The following BACH2 variants were observed in gnomAD, a reference collection of about 807,000 sequenced individuals.
BACH2 encodes transcription regulator protein BACH2.
A neutral mutation model predicts 61.8 loss-of-function variants in BACH2; 5 were observed. The observed-to-expected ratio is 0.08, with a 90% CI of 0.04 to 0.17. The LOEUF (loss-of-function observed/expected upper bound fraction) is 0.17, where lower values mean the gene tolerates loss of function less well. Among genes scored for constraint, BACH2 ranks in the 10% least tolerant of loss-of-function variants. The probability of loss-of-function intolerance (pLI) is 1.00; values close to 1 mark genes in which losing one functional copy is unlikely to be tolerated. For missense variants in BACH2, 824 were observed against 1,091.1 expected, an observed-to-expected ratio of 0.76 and a Z score of 3.45; for synonymous variants, 446 against 440.1, an observed-to-expected ratio of 1.01 and a Z score of -0.17.
At chr6:90,075,514 A>G (rs529093315) in intron 5 of BACH2, among the ~76,000 whole-genome samples, 1 of 151,730 alleles carries the variant, frequency 6.6e-6, no homozygotes, top group Admixed American at 6.5e-5. Flanking sequence ...TTACTATTTT[A>G]TGATTGGATG....
At chr6:90,295,681 G>T (rs1772329980) in intron 1 of BACH2, among the ~76,000 whole-genome samples, 1 of 149,562 alleles carries the variant, frequency 6.7e-6, no homozygotes, top group African/African-American at 2.5e-5. Context: ...GTGTGTGTGT[G>T]TGTTGCACCT....
At chr6:90,033,351 T>TAAAAAA (rs57759686) in intron 5 of BACH2, among the ~76,000 whole-genome samples, 45 of 83,250 alleles carry the variant, frequency 5.4e-4, no homozygotes, top group Non-Finnish European at 6.9e-4. Context: ...GAAACTTAAA[T>TAAAAAA]AAAAAAAAAA....
chr6:90,233,564 G>A (rs1022876170), intron 3 of BACH2, among the ~76,000 whole-genome samples: 1 of 152,128 alleles, frequency 6.6e-6, no homozygotes, highest in East Asian at 1.9e-4. Context: ...CAGGTACCTC[G>A]CCTGACAATT....
At chr6:90,188,931 T>C (rs1768458873) in intron 4 of BACH2, among the ~76,000 whole-genome samples, 1 of 152,134 alleles carries the variant, frequency 6.6e-6, no homozygotes, top group Non-Finnish European at 1.5e-5. Flanking sequence ...AATAGTGAAT[T>C]ATACATAGCA....
At chr6:90,034,232 A>G (rs899331349) in intron 5 of BACH2, among the ~76,000 whole-genome samples, 4 of 152,202 alleles carry the variant, frequency 2.6e-5, no homozygotes, top group African/African-American at 9.6e-5. Flanking sequence ...GCATCTGATT[A>G]CTTACAATTG....
At chr6:90,093,196 T>C (rs1188280567) in intron 4 of BACH2, among the ~76,000 whole-genome samples, 1 of 152,184 alleles carries the variant, frequency 6.6e-6, no homozygotes. Context: ...AGTAAGTATA[T>C]ACCAGCTGTC....
intron 5 of BACH2, among the ~76,000 whole-genome samples, chr6:90,012,813 AT>A (rs1311024927): frequency 6.6e-6 from 1 of 151,858 alleles, no homozygotes; most frequent in Non-Finnish European, 1.5e-5. Flanking sequence ...TTAAAGAGGC[AT>A]GTGCCACCGT....
At chr6:90,180,248 G>A (rs78790412) in intron 4 of BACH2, among the ~76,000 whole-genome samples, 2,672 of 151,938 alleles carry the variant, frequency 0.018, 49 homozygotes, top group East Asian at 0.07. Flanking sequence ...AAAACTAAGA[G>A]TAAAATTTAT....
chr6:89,940,346 A>C (rs1188938978), intron 7 of BACH2, among the ~76,000 whole-genome samples: 1 of 152,186 alleles, frequency 6.6e-6, no homozygotes, highest in Non-Finnish European at 1.5e-5. Flanking sequence ...AGTGAAAAAG[A>C]CTGCATGAAA....
At chr6:89,969,037 T>C (rs111717934) in intron 6 of BACH2, among the ~76,000 whole-genome samples, 5,301 of 150,174 alleles carry the variant, frequency 0.035, 152 homozygotes, top group Non-Finnish European at 0.059. Context: ...AGAATGTGTC[T>C]TAAAAATGTA....
chr6:89,939,656 CTTTTTTTTTTTTTT>C (rs71298713), intron 7 of BACH2, among the ~76,000 whole-genome samples: 4 of 82,616 alleles, frequency 4.8e-5, no homozygotes, highest in South Asian at 5.2e-4. Context: ...GCTTATATTT[CTTTTTTTTTTTTTT>C]TTTTTTTTTT....
intron 5 of BACH2, among the ~76,000 whole-genome samples, chr6:90,079,310 C>T (rs207252): frequency 0.017 from 2,593 of 152,276 alleles, 33 homozygotes; most frequent in Admixed American, 0.025. Context: ...AAAAAGTTTT[C>T]CAATCTCTAG....
chr6:90,004,154 G>A (rs1372767833), intron 6 of BACH2, among the ~76,000 whole-genome samples: 1 of 152,148 alleles, frequency 6.6e-6, no homozygotes, highest in African/African-American at 2.4e-5. Context: ...GTTGGCATCT[G>A]TGCTTGGCAG....
At chr6:90,084,611 T>C (rs1230016409) in intron 5 of BACH2, among the ~76,000 whole-genome samples, 1 of 151,980 alleles carries the variant, frequency 6.6e-6, no homozygotes, top group Non-Finnish European at 1.5e-5. Context: ...CTTTGCCCTG[T>C]TTTCCAATAC....
chr6:89,984,103 A>G lies in BACH2; in HGVS notation c.243+24499T>C, dbSNP rs6916086. 6.9e-3 allele frequency among the ~76,000 whole-genome samples: 1,048 copies of G among 152,246 alleles called. 15 individuals carry two copies. The highest frequency in any genetic ancestry group is 0.023 in the African/African-American group (966 of 41,556). On this transcript the variant is annotated intron_variant, in intron 6 of 8. Transcript: ENST00000257749. ...TCAAGGCTCGTTTAAATCAGGCTCA[A>G]TGGACCTGTCCTCTCTCCCACCATG...
intron 4 of BACH2, among the ~76,000 whole-genome samples, chr6:90,174,748 A>G (rs1219154068): frequency 6.6e-6 from 1 of 152,126 alleles, no homozygotes; most frequent in East Asian, 1.9e-4. Flanking sequence ...TGAATGAACT[A>G]AAGTTACACA....
chr6:90,133,755 T>C (rs994402440), intron 4 of BACH2, among the ~76,000 whole-genome samples: 2 of 152,118 alleles, frequency 1.3e-5, no homozygotes, highest in Non-Finnish European at 2.9e-5. Flanking sequence ...AGTGTTCTCA[T>C]TGTTCAATTC....
At chr6:90,292,524 G>A (rs1772210630) in intron 1 of BACH2, among the ~76,000 whole-genome samples, 1 of 152,178 alleles carries the variant, frequency 6.6e-6, no homozygotes, top group Admixed American at 6.5e-5. Context: ...AAATTATTCG[G>A]CCTTTCATGT....
At chr6:90,123,691 A>G (rs1330917060) in intron 4 of BACH2, among the ~76,000 whole-genome samples, 1 of 139,236 alleles carries the variant, frequency 7.2e-6, no homozygotes, top group Non-Finnish European at 1.5e-5. Flanking sequence ...AATGGCGTGA[A>G]CCCGGGAGGC....
Sources: allele counts gnomAD v4.1 joint callset (sites outside exome capture counted in the v4.1 genomes callset), GRCh38; gene constraint gnomAD v4.1.1; transcripts MANE v1.5; gene names NCBI Gene and HGNC (gene_info 2026-07-23, HGNC 2026-07-21).